Variants in CSMD1 observed in about 807,000 individuals in gnomAD.
CSMD1 encodes the protein CUB and sushi domain-containing protein 1.
In CSMD1, 213 loss-of-function variants were observed where a neutral mutation model predicts 417.5. The observed-to-expected ratio is 0.51, with a 90% CI of 0.46 to 0.57. The LOEUF (loss-of-function observed/expected upper bound fraction) is 0.57. Ranked by LOEUF, CSMD1 falls within the 20% of genes least tolerant of loss-of-function variation. The pLI, the probability that CSMD1 is intolerant of heterozygous loss-of-function variation, is 0.00. For synonymous variants in CSMD1, 2,862 were observed against 1,736.8 expected (o/e 1.65, Z -16.11); for missense variants, 6,923 against 4,529.7 (o/e 1.53, Z -15.17).
At position 4,331,003 on chromosome 8, in the gene CSMD1, C is replaced by T. The variant is rs544730017; in HGVS notation, c.415+88950G>A. On this transcript the variant is annotated intron_variant, in intron 3 of 69. Transcript: ENST00000635120. ...TACAGCCGCCTTTGTGTTACTGTGC[C>T]GTAAGTTCTTAGTGCATTATCTTAC... is the stretch of plus-strand genomic sequence containing the variant. Among the ~76,000 whole-genome samples the T allele has an allele frequency of 5.8e-4, 88 of 152,198 alleles. No homozygotes were observed. The South Asian group carries it at 0.018, about 30-fold the overall frequency.
intron 1 of CSMD1, among the ~76,000 whole-genome samples, chr8:4,668,527 G>A (rs1005501583): frequency 1.3e-5 from 2 of 150,916 alleles, no homozygotes; most frequent in African/African-American, 2.4e-5. Flanking sequence ...TCAGCTCACT[G>A]CAAGCTCCGC....
intron 3 of CSMD1, among the ~76,000 whole-genome samples, chr8:4,366,401 G>A (rs1357833557): frequency 6.6e-6 from 1 of 152,138 alleles, no homozygotes; most frequent in African/African-American, 2.4e-5. Context: ...ATGCATGCAC[G>A]TGTCTTTTTG....
At chr8:4,545,308 G>A (rs372060360) in intron 2 of CSMD1, among the ~76,000 whole-genome samples, 1 of 152,178 alleles carries the variant, frequency 6.6e-6, no homozygotes, top group Non-Finnish European at 1.5e-5. Context: ...TGACTCAACA[G>A]TTTCTAACAC....
intron 1 of CSMD1, among the ~76,000 whole-genome samples, chr8:4,734,743 T>C (rs868611302): frequency 3.9e-5 from 6 of 152,204 alleles, no homozygotes; most frequent in African/African-American, 1.4e-4. Flanking sequence ...AATAAATTAT[T>C]GGCTACTTCT....
chr8:4,150,442 G>C (rs1044571914), intron 3 of CSMD1, among the ~76,000 whole-genome samples: 1 of 152,188 alleles, frequency 6.6e-6, no homozygotes, highest in Non-Finnish European at 1.5e-5. Flanking sequence ...GACAACTTCA[G>C]TGCCTTTTAC....
intron 5 of CSMD1, among the ~76,000 whole-genome samples, chr8:3,982,160 A>AAAAAATAAT (rs1252631240): frequency 2.2e-5 from 2 of 89,526 alleles, no homozygotes; most frequent in Non-Finnish European, 2.4e-5. Context: ...TCTATCTCAA[A>AAAAAATAAT]AATAATAATA....
rs544812751 is a variant in CSMD1, at chr8:3,276,176, G to T, written c.4153+7968C>A. Among the ~76,000 whole-genome samples, 5 of 152,182 alleles carry T rather than the reference G, an allele frequency of 3.3e-5. No homozygotes were observed. The East Asian group carries it at 9.7e-4, about 29-fold the overall frequency. ...AGGACCTTCAGATGCAGGTCTGTTG[G>T]AGTACTCGGCCGTGTGAGGTGTCAG... On this transcript the variant is annotated intron_variant, in intron 26 of 69. Transcript: ENST00000635120.
At chr8:4,570,898 C>T (rs1418373019) in intron 2 of CSMD1, among the ~76,000 whole-genome samples, 1 of 152,256 alleles carries the variant, frequency 6.6e-6, no homozygotes, top group East Asian at 1.9e-4. Flanking sequence ...GGAATTTGTC[C>T]ATTTCTTCTA....
intron 3 of CSMD1, among the ~76,000 whole-genome samples, chr8:4,145,962 G>C (rs115009564): frequency 6.6e-6 from 1 of 150,750 alleles, no homozygotes. Context: ...TCTTGTTACC[G>C]CTGTCATTTG....
chr8:2,995,383 G>C (rs1040090367), intron 54 of CSMD1, among the ~76,000 whole-genome samples: 1 of 152,196 alleles, frequency 6.6e-6, no homozygotes, highest in Non-Finnish European at 1.5e-5. Context: ...AAATAAGACA[G>C]AGTGACCGCA....
At chr8:4,787,930 A>C in intron 1 of CSMD1, 1 of 1,593,134 alleles carries the variant, frequency 6.3e-7, no homozygotes, top group Non-Finnish European at 8.6e-7. Context: ...GTTCTTGCTG[A>C]TGTAATTGAC....
chr8:3,547,025 T>A (rs1798696010), intron 10 of CSMD1, among the ~76,000 whole-genome samples: 1 of 152,204 alleles, frequency 6.6e-6, no homozygotes, highest in Non-Finnish European at 1.5e-5. Context: ...GATGTGGGGC[T>A]GGTCAGGGCC....
At chr8:4,943,909 G>A (rs1808195863) in intron 1 of CSMD1, among the ~76,000 whole-genome samples, 1 of 152,216 alleles carries the variant, frequency 6.6e-6, no homozygotes, top group Admixed American at 6.5e-5. Flanking sequence ...GAATTGCGGT[G>A]ATGGAGGGCC....
At chr8:3,395,228 T>C (rs1279334258) in intron 17 of CSMD1, among the ~76,000 whole-genome samples, 1 of 152,178 alleles carries the variant, frequency 6.6e-6, no homozygotes, top group African/African-American at 2.4e-5. Context: ...GTACTTGAGA[T>C]AAAGCTCTGA....
intron 7 of CSMD1, among the ~76,000 whole-genome samples, chr8:3,683,584 C>G (rs1204796310): frequency 6.6e-6 from 1 of 152,138 alleles, no homozygotes; most frequent in East Asian, 1.9e-4. Flanking sequence ...GTTTAAAGCA[C>G]TTTTTTGAAT....
At chr8:4,237,616 C>T (rs1489509410) in intron 3 of CSMD1, among the ~76,000 whole-genome samples, 1 of 151,990 alleles carries the variant, frequency 6.6e-6, no homozygotes, top group Non-Finnish European at 1.5e-5. Flanking sequence ...CTTACTGCAG[C>T]CTCAACCTCC....
At chr8:4,867,320 C>A (rs1341681203) in intron 1 of CSMD1, among the ~76,000 whole-genome samples, 1 of 152,062 alleles carries the variant, frequency 6.6e-6, no homozygotes, top group East Asian at 1.9e-4. Context: ...CTGTTTATAT[C>A]TTGTCATTGA....
intron 36 of CSMD1, among the ~76,000 whole-genome samples, chr8:3,185,674 T>A (rs1425122174): frequency 2.0e-5 from 3 of 152,170 alleles, no homozygotes; most frequent in African/African-American, 7.2e-5. Flanking sequence ...AGTTGATAAA[T>A]CCAAATATAT....
chr8:4,873,323 A>G (rs528586980), intron 1 of CSMD1, among the ~76,000 whole-genome samples: 1 of 152,236 alleles, frequency 6.6e-6, no homozygotes, highest in Admixed American at 6.5e-5. Flanking sequence ...GACCCATTCC[A>G]AACAGTGAGA....
Sources: gnomAD v4.1 joint callset for allele counts (sites outside exome capture counted in the v4.1 genomes callset) on GRCh38, gnomAD v4.1.1 for gene constraint, MANE v1.5 for transcripts, NCBI Gene and HGNC (gene_info 2026-07-23, HGNC 2026-07-21) for gene names.